ZBTB8OS: variants seen among roughly 807,000 people sequenced by gnomAD.
The protein encoded by ZBTB8OS is tRNA-splicing ligase-activating factor archease.
A neutral mutation model predicts 29.3 loss-of-function variants in ZBTB8OS; 16 were observed. The ratio of observed to expected loss-of-function variants is 0.55; its 90% CI spans 0.37 to 0.83. The LOEUF (loss-of-function observed/expected upper bound fraction) is 0.83, where lower values mean the gene tolerates loss of function less well. Ranked by LOEUF, ZBTB8OS falls within the 40% of genes least tolerant of loss-of-function variation. The pLI is 0.00. For synonymous variants in ZBTB8OS, 70 were observed against 64.6 expected (o/e 1.08, Z -0.40); for missense variants, 160 against 196.9 (o/e 0.81, Z 1.12).
At chr1:32,648,779 C>T (rs1647046166) in intron 1 of ZBTB8OS, among the ~76,000 whole-genome samples, 1 of 151,790 alleles carries the variant, frequency 6.6e-6, no homozygotes, top group Admixed American at 6.6e-5. Flanking sequence ...CTGCCTCAGC[C>T]GCCCAAGCAG....
At chr1:32,642,002 C>G (rs973835028) in intron 1 of ZBTB8OS, among the ~76,000 whole-genome samples, 2 of 152,208 alleles carry the variant, frequency 1.3e-5, no homozygotes, top group South Asian at 4.1e-4. Context: ...CAACTAAACT[C>G]TGATTTTTTT....
intron 1 of ZBTB8OS, 52 bp from the exon 2 acceptor site, chr1:32,634,844 T>A (rs1156466623): frequency 8.4e-7 from 1 of 1,194,882 alleles, no homozygotes; most frequent in Non-Finnish European, 1.3e-6. Context: ...GACTCTCAAA[T>A]CACACACACA....
chr1:32,621,821 CA>C lies in ZBTB8OS; in HGVS notation c.*40del. On this transcript the variant is annotated 3_prime_UTR_variant, in exon 7 of 7. Coordinates refer to ENST00000468695, the MANE Select transcript of ZBTB8OS (RefSeq NM_178547.5). ...TGTCTTCTCAAAAGGAAGAGGAAAA[CA>C]AAAACAGTTCTTCGTAGGAGTCTTT... 7.1e-7 allele frequency: 1 copy of C among 1,398,746 alleles called. No individual in the cohort carries two copies. 86.6% of individuals were successfully genotyped at this position (1,398,746 alleles called of 1,614,324 possible).
At chr1:32,622,043 AT>A in intron 6 of ZBTB8OS, 95 bp from the exon 7 acceptor site, 2 of 861,988 alleles carry the variant, frequency 2.3e-6, no homozygotes, top group Non-Finnish European at 3.5e-6. Context: ...GAAAGTAAAA[AT>A]TTTAGTATTT....
At chr1:32,634,588 TG>T in intron 2 of ZBTB8OS, 179 bp downstream of exon 2, 1 of 695,276 alleles carries the variant, frequency 1.4e-6, no homozygotes, top group South Asian at 1.8e-5. Flanking sequence ...GGTGCAGTGG[TG>T]CAATCTCGGC....
Position 32,633,731 on chromosome 1 carries a change from C to T in ZBTB8OS, c.245-4G>A. The T allele has an allele frequency of 1.9e-6, 3 of 1,590,440 alleles. No homozygotes were observed. Among genetic ancestry groups the T allele is most frequent in the South Asian group, 1.2e-5 (1 of 86,736 alleles). On this transcript the variant is annotated splice_polypyrimidine_tract_variant and splice_region_variant and intron_variant, in intron 3 of 6. Transcript: ENST00000468695. The stretch of plus-strand genomic sequence containing the variant: ...AGAAGAGACTGTAAGTCATCTCCTA[C>T]ACAAGATCAAATAGTATATTTAATA...
chr1:32,646,940 G>A (rs1292935251), intron 1 of ZBTB8OS, among the ~76,000 whole-genome samples: 1 of 145,920 alleles, frequency 6.9e-6, no homozygotes, highest in Non-Finnish European at 1.5e-5. Context: ...CATACGGAAG[G>A]CTGAGGCAAG....
At chr1:32,640,222 G>T (rs145631258) in intron 1 of ZBTB8OS, among the ~76,000 whole-genome samples, 2 of 151,862 alleles carry the variant, frequency 1.3e-5, no homozygotes, top group Non-Finnish European at 2.9e-5. Context: ...TCAGCCTCCC[G>T]AGTAGCTGGG....
chr1:32,636,276 G>A (rs1046987689), intron 1 of ZBTB8OS, among the ~76,000 whole-genome samples: 9 of 152,102 alleles, frequency 5.9e-5, no homozygotes, highest in East Asian at 5.8e-4. Context: ...ATAAAACTCC[G>A]GTCTCAAGCA....
chr1:32,624,594 T>G (rs1644973736), intron 6 of ZBTB8OS, among the ~76,000 whole-genome samples: 1 of 152,196 alleles, frequency 6.6e-6, no homozygotes, highest in African/African-American at 2.4e-5. Flanking sequence ...CATTCCTTTT[T>G]GCTTTGAAAA....
chr1:32,649,502 AAGAT>A (rs1647118088), intron 1 of ZBTB8OS, among the ~76,000 whole-genome samples: 1 of 152,054 alleles, frequency 6.6e-6, no homozygotes, highest in East Asian at 1.9e-4. Context: ...TTAAGAGACA[AAGAT>A]AGGTTATGTG....
At chr1:32,622,872 T>C (rs559020959) in intron 6 of ZBTB8OS, among the ~76,000 whole-genome samples, 1 of 152,220 alleles carries the variant, frequency 6.6e-6, no homozygotes, top group South Asian at 2.1e-4. Context: ...ACCTAGGCCC[T>C]AGGAATTCAA....
chr1:32,632,638 G>A (rs1384336032), intron 4 of ZBTB8OS, among the ~76,000 whole-genome samples: 2 of 152,070 alleles, frequency 1.3e-5, no homozygotes, highest in Non-Finnish European at 2.9e-5. Flanking sequence ...CCCAAGCTGA[G>A]TATTAAATAT....
intron 4 of ZBTB8OS, chr1:32,632,265 T>C (rs1645624828): frequency 6.5e-6 from 1 of 154,028 alleles, no homozygotes; most frequent in South Asian, 2.0e-4. Context: ...TGCCTCGGCT[T>C]CCCAAAGTGC....
chr1:32,636,527 A>T (rs1045521093), intron 1 of ZBTB8OS, among the ~76,000 whole-genome samples: 1 of 152,012 alleles, frequency 6.6e-6, no homozygotes, highest in African/African-American at 2.4e-5. Context: ...TGTCTCTACT[A>T]AAAACACAAA....
chr1:32,646,271 G>T (rs568116937), intron 1 of ZBTB8OS, among the ~76,000 whole-genome samples: 1 of 151,588 alleles, frequency 6.6e-6, no homozygotes, highest in African/African-American at 2.4e-5. Context: ...GTGAGTCAAA[G>T]TCGCACCACT....
At chr1:32,633,843 C>T (rs1645752111) in intron 3 of ZBTB8OS, 108 bp downstream of exon 3, 3 of 1,477,292 alleles carry the variant, frequency 2.0e-6, no homozygotes, top group African/African-American at 2.8e-5. Context: ...AAGACTCATC[C>T]TTAATTTTCT....
intron 1 of ZBTB8OS, among the ~76,000 whole-genome samples, chr1:32,638,392 C>A (rs1423506665): frequency 1.3e-5 from 2 of 151,710 alleles, no homozygotes; most frequent in Non-Finnish European, 2.9e-5. Flanking sequence ...GGGGTTTCAC[C>A]ATGTTGGCCA....
intron 1 of ZBTB8OS, among the ~76,000 whole-genome samples, chr1:32,638,440 C>G (rs1365253546): frequency 1.3e-5 from 2 of 151,866 alleles, no homozygotes; most frequent in Non-Finnish European, 2.9e-5. Context: ...ATCCGCCCAC[C>G]TCAGCCTCCC....
Sources: allele counts gnomAD v4.1 joint callset (sites outside exome capture counted in the v4.1 genomes callset), GRCh38; gene constraint gnomAD v4.1.1; transcripts MANE v1.5; gene names NCBI Gene and HGNC (gene_info 2026-07-23, HGNC 2026-07-21).